The following CNGA1 variants were observed in gnomAD, a reference collection of about 807,000 sequenced individuals.
CNGA1 encodes the protein cyclic nucleotide-gated channel alpha-1.
A neutral mutation model predicts 69.7 loss-of-function variants in CNGA1; 53 were observed. The ratio of observed to expected loss-of-function variants is 0.76; its 90% CI spans 0.61 to 0.96. The LOEUF (loss-of-function observed/expected upper bound fraction) is 0.96, where lower values mean the gene tolerates loss of function less well. Among genes scored for constraint, CNGA1 ranks in the 40% least tolerant of loss-of-function variants. The pLI is 0.00. For synonymous variants in CNGA1, 249 were observed against 283.5 expected (o/e 0.88, Z 1.22); for missense variants, 739 against 811.2 (o/e 0.91, Z 1.08).
At chr4:47,945,156 A>G (rs1016943604) in intron 6 of CNGA1, among the ~76,000 whole-genome samples, 3 of 152,082 alleles carry the variant, frequency 2.0e-5, no homozygotes, top group Non-Finnish European at 2.9e-5. Context: ...TGAGCCCAGG[A>G]GTTCAAGACC....
At chr4:47,950,503 G>C (rs757183619) in intron 5 of CNGA1, among the ~76,000 whole-genome samples, 1 of 152,100 alleles carries the variant, frequency 6.6e-6, no homozygotes, top group Non-Finnish European at 1.5e-5. Context: ...ATGCATATCA[G>C]TCAATGTTCA....
chr4:47,937,076 G>A lies in CNGA1; in HGVS notation c.1406C>T (p.Thr469Ile). Residue 469 changes from threonine to isoleucine, a missense_variant, in exon 11 of 11, where the codon ACA becomes ATA. By Grantham distance (89) the Thr-to-Ile change is moderately conservative. Transcript: ENST00000514170. ...AEIAINVHLDTLKKVRIFADC... is the reference protein window; with the variant it reads ...AEIAINVHLDILKKVRIFADC... ...AGCAAAAATGCGTACCTTTTTTAAT[G>A]TGTCTAAGTGAACGTTGATGGCAAT... The A allele has an allele frequency of 1.9e-6, 3 of 1,614,188 alleles. No individual in the cohort carries two copies. Among genetic ancestry groups the A allele is most frequent in the Admixed American group, 1.7e-5 (1 of 60,020 alleles).
intron 2 of CNGA1, among the ~76,000 whole-genome samples, chr4:47,987,471 T>A (rs950197815): frequency 2.0e-5 from 3 of 152,202 alleles, no homozygotes; most frequent in Non-Finnish European, 4.4e-5. Context: ...AGGAACCGTG[T>A]CTATGTTGCC....
chr4:48,015,763 C>T (rs927951645), intron 1 of CNGA1, among the ~76,000 whole-genome samples: 5 of 152,150 alleles, frequency 3.3e-5, no homozygotes, highest in African/African-American at 1.2e-4. Context: ...TACACCACCA[C>T]ATCTGGCTAA....
At chr4:47,943,790 A>G (rs1578068838) in intron 6 of CNGA1, among the ~76,000 whole-genome samples, 1 of 152,240 alleles carries the variant, frequency 6.6e-6, no homozygotes, top group African/African-American at 2.4e-5. Flanking sequence ...CCTTGAATAA[A>G]ATCATTCAGA....
chr4:47,941,796 A>G (rs1477687601), intron 9 of CNGA1, among the ~76,000 whole-genome samples: 1 of 152,130 alleles, frequency 6.6e-6, no homozygotes, highest in East Asian at 1.9e-4. Context: ...AAAAATTAAA[A>G]AATAAAAGTC....
In CNGA1 at chr4:47,952,575, G is replaced by A. The variant is rs1022448464; in HGVS notation, c.107+8C>T. 5.6e-6 allele frequency: 9 copies of A among 1,611,788 alleles called. No homozygotes were observed. The highest frequency in any genetic ancestry group is 7.6e-6 in the Non-Finnish European group (9 of 1,178,648). On this transcript the variant is annotated splice_region_variant and intron_variant, in intron 4 of 10. Transcript: ENST00000514170. Reference sequence around the variant, plus strand: ...AATAAAAATGCATGGGAAAATGTTTGGATTTACCTGCATGCTCCATTTTCC... The same window carrying A: ...AATAAAAATGCATGGGAAAATGTTTAGATTTACCTGCATGCTCCATTTTCC...
intron 3 of CNGA1, among the ~76,000 whole-genome samples, chr4:47,965,838 T>C (rs73244453): frequency 0.11 from 17,269 of 152,160 alleles, 1,585 homozygotes; most frequent in East Asian, 0.32. Context: ...AGAAAAAAAT[T>C]TTAATAGTAA....
intron 10 of CNGA1, among the ~76,000 whole-genome samples, chr4:47,939,614 G>A (rs2882949): frequency 0.33 from 49,493 of 152,084 alleles, 9,782 homozygotes; most frequent in Non-Finnish European, 0.44. Flanking sequence ...GGATCATCTT[G>A]GGAGACTGAG....
At chr4:47,976,312 TAC>T (rs1741404857) in intron 3 of CNGA1, among the ~76,000 whole-genome samples, 1 of 36,720 alleles carries the variant, frequency 2.7e-5, no homozygotes, top group African/African-American at 8.0e-5. Context: ...CATATATATA[TAC>T]ATATATATGT....
In CNGA1 at chr4:47,936,578, G is replaced by A. The variant is rs1667813645; in HGVS notation, c.1904C>T (p.Thr635Ile). The stretch of plus-strand genomic sequence containing the variant: ...CTCAGCCAAGATTCGGGCAAACCTG[G>A]TTTGCAGGAGGTCTACTGACCCCTC... The part of the protein sequence containing the change: ...RMEGSVDLLQ[T>I]RFARILAEYE... The change falls in exon 11 of 11, where the codon ACC (threonine) becomes ATC (isoleucine). Residue 635 changes from threonine to isoleucine, a missense_variant. Coordinates refer to ENST00000514170, the MANE Select transcript of CNGA1 (RefSeq NM_001379270.1). 2.5e-6 allele frequency: 4 copies of A among 1,614,024 alleles called. No individual in the cohort carries two copies. Among genetic ancestry groups the A allele is most frequent in the African/African-American group, 1.3e-5 (1 of 74,912 alleles).
chr4:47,987,938 T>C (rs1342535083), intron 2 of CNGA1, among the ~76,000 whole-genome samples: 4 of 152,070 alleles, frequency 2.6e-5, no homozygotes, highest in Admixed American at 6.6e-5. Context: ...GTGGCTAAGT[T>C]AGAGGAAGCA....
intron 2 of CNGA1, among the ~76,000 whole-genome samples, chr4:47,995,761 C>T (rs949931715): frequency 2.0e-5 from 3 of 152,194 alleles, no homozygotes; most frequent in South Asian, 2.1e-4. Context: ...GGTTCCTTCT[C>T]ATTTGGGTTG....
chr4:47,940,771 G>T lies in CNGA1; in HGVS notation c.644C>A (p.Thr215Lys). 1.9e-6 allele frequency: 3 copies of T among 1,589,470 alleles called. No individual in the cohort carries two copies. The highest frequency in any genetic ancestry group is 2.6e-6 in the Non-Finnish European group (3 of 1,158,000). The change falls in exon 10 of 11, where the codon ACA becomes AAA. Residue 215 changes from threonine (T) to lysine (K), a missense_variant. Coordinates refer to ENST00000514170, the MANE Select transcript of CNGA1 (RefSeq NM_001379270.1). The part of the protein sequence containing the change: ...IVYLIDMFVR[T>K]RTGYLEQGLL... Reference sequence around the variant, plus strand: ...AAACTGAACATATTTACCTGTCCTTGTTCGTACAAACATATCGATTAAATA... The same window carrying T: ...AAACTGAACATATTTACCTGTCCTTTTTCGTACAAACATATCGATTAAATA...
At position 48,000,374 on chromosome 4, in the gene CNGA1, G is replaced by GTT. The variant is rs569343152; in HGVS notation, c.-123+10418_-123+10419dup. Among the ~76,000 whole-genome samples, 1,121 of 146,194 alleles carry GTT rather than the reference G, an allele frequency of 7.7e-3. 6 individuals are homozygous for GTT. Among genetic ancestry groups the GTT allele is most frequent in the African/African-American group, 0.013 (503 of 40,040 alleles). On this transcript the variant is annotated intron_variant, in intron 2 of 10. Coordinates refer to ENST00000514170, the MANE Select transcript of CNGA1 (RefSeq NM_001379270.1). ...AAAAGCCCAATTACTAACAATAAGTGTTTTTTTTTTTTGAGACAGAGTTTC... is the reference window on the plus strand; with the variant it reads ...AAAAGCCCAATTACTAACAATAAGTGTTTTTTTTTTTTTTGAGACAGAGTTTC...
intron 3 of CNGA1, among the ~76,000 whole-genome samples, chr4:47,973,500 G>A (rs1741159885): frequency 6.6e-6 from 1 of 152,192 alleles, no homozygotes; most frequent in Admixed American, 6.5e-5. Context: ...CTGTATGCTA[G>A]TGGTTTCCAG....
intron 3 of CNGA1, among the ~76,000 whole-genome samples, chr4:47,974,344 T>C (rs1741232265): frequency 6.6e-6 from 1 of 151,204 alleles, no homozygotes; most frequent in South Asian, 2.1e-4. Context: ...AATATATTTC[T>C]AAATGAAAAA....
chr4:48,010,090 AT>A (rs1715086652), intron 2 of CNGA1, among the ~76,000 whole-genome samples: 1 of 152,196 alleles, frequency 6.6e-6, no homozygotes, highest in Non-Finnish European at 1.5e-5. Context: ...ATAGCCATAA[AT>A]TTAGATATTA....
chr4:47,951,264 C>A lies in CNGA1; in HGVS notation c.224+89G>T, dbSNP rs1297276125. The A allele has an allele frequency of 3.7e-6, 3 of 813,110 alleles. No homozygotes were observed. The South Asian group carries it at 4.2e-5, about 11-fold the overall frequency. 50.4% of individuals were successfully genotyped at this position (813,110 alleles called of 1,614,324 possible). A position where few individuals can be genotyped will look rare whatever the true frequency, so the allele number is the denominator to read the frequency against. On this transcript the variant is annotated intron_variant, in intron 5 of 10. Coordinates refer to ENST00000514170, the MANE Select transcript of CNGA1 (RefSeq NM_001379270.1). ...TCTATCCTACTGCTCAAGGTCATCA[C>A]CATGATCTGATTGCAAAAATTCAAA...
Sources: allele counts gnomAD v4.1 joint callset (sites outside exome capture counted in the v4.1 genomes callset), GRCh38; gene constraint gnomAD v4.1.1; transcripts MANE v1.5; gene names NCBI Gene and HGNC (gene_info 2026-07-23, HGNC 2026-07-21).